DCDC1: variants seen among roughly 807,000 people sequenced by gnomAD.
The protein encoded by DCDC1 is doublecortin domain-containing protein 1.
A neutral mutation model predicts 178.3 loss-of-function variants in DCDC1; 200 were observed. The ratio of observed to expected loss-of-function variants is 1.12; its 90% CI spans 1.00 to 1.26. The LOEUF (loss-of-function observed/expected upper bound fraction) is 1.26. DCDC1 is among the 50% of genes most tolerant of loss of function. The pLI is 0.00. For missense variants in DCDC1, 1,983 were observed against 1,749.2 expected, an observed-to-expected ratio of 1.13 and a Z score of -2.38; for synonymous variants, 690 against 604.8, an observed-to-expected ratio of 1.14 and a Z score of -2.07.
intron 9 of DCDC1, among the ~76,000 whole-genome samples, chr11:31,213,017 C>T: frequency 6.6e-6 from 1 of 151,142 alleles, no homozygotes; most frequent in Non-Finnish European, 1.5e-5. Context: ...TCTCTCTGCT[C>T]CTCACTTGCT....
At chr11:30,934,978 C>CT (rs1337991595) in intron 21 of DCDC1, among the ~76,000 whole-genome samples, 1 of 152,180 alleles carries the variant, frequency 6.6e-6, no homozygotes, top group Admixed American at 6.5e-5. Context: ...AGGTTGAGTT[C>CT]TTGATTAGTT....
chr11:30,964,770 C>A (rs539659946), intron 20 of DCDC1, among the ~76,000 whole-genome samples: 1 of 152,178 alleles, frequency 6.6e-6, no homozygotes, highest in Non-Finnish European at 1.5e-5. Flanking sequence ...CCAATGTTAA[C>A]CACATCTTCA....
At chr11:30,882,295 C>T (rs1328327427) in intron 36 of DCDC1, 1 of 152,154 alleles carries the variant, frequency 6.6e-6, no homozygotes, top group Non-Finnish European at 1.5e-5. Flanking sequence ...TCAAAAAGCG[C>T]AGCTTTTCAC....
chr11:31,098,669 T>C lies in DCDC1; in HGVS notation c.1983+3508A>G, dbSNP rs796183174. ...CCCAATGAGCAGCAAGATTCTACAA[T>C]AAAATGCCCTATAGATATCCATCAC... On this transcript the variant is annotated intron_variant, in intron 15 of 38. Transcript: ENST00000684477. 2.0e-5 allele frequency among the ~76,000 whole-genome samples: 3 copies of C among 152,352 alleles called. No homozygotes were observed. The South Asian group carries it at 6.2e-4, about 32-fold the overall frequency.
At chr11:31,185,785 A>T (rs1382403679) in intron 9 of DCDC1, among the ~76,000 whole-genome samples, 3 of 152,206 alleles carry the variant, frequency 2.0e-5, no homozygotes, top group Non-Finnish European at 4.4e-5. Context: ...GCAAAAGACC[A>T]GCTGCTTTTA....
intron 31 of DCDC1, chr11:30,904,747 G>A: frequency 1.7e-6 from 1 of 595,048 alleles, no homozygotes. Context: ...TCTAAAAACT[G>A]AATTCTGGTT....
At chr11:30,915,466 C>A (rs375862507) in intron 27 of DCDC1, 45 bp downstream of exon 27, 1 of 1,601,840 alleles carries the variant, frequency 6.2e-7, no homozygotes, top group Non-Finnish European at 8.5e-7. Flanking sequence ...TTATTAGGAT[C>A]CTATTCACCT....
At chr11:31,237,057 G>T (rs1976551601) in intron 9 of DCDC1, among the ~76,000 whole-genome samples, 2 of 151,828 alleles carry the variant, frequency 1.3e-5, no homozygotes, top group African/African-American at 4.8e-5. Context: ...AATACTTTAT[G>T]CAATAAACAA....
chr11:31,331,243 C>A (rs541584461), intron 2 of DCDC1, among the ~76,000 whole-genome samples: 7 of 152,160 alleles, frequency 4.6e-5, no homozygotes, highest in Non-Finnish European at 7.3e-5. Context: ...TATCCTGAGA[C>A]TTTGCTGAAG....
intron 11 of DCDC1, among the ~76,000 whole-genome samples, chr11:31,115,989 G>GA (rs36100040): frequency 0.016 from 2,163 of 134,536 alleles, 412 homozygotes; most frequent in Non-Finnish European, 0.028. Flanking sequence ...AGTGGGGGGG[G>GA]GGGGGATGGG....
intron 20 of DCDC1, among the ~76,000 whole-genome samples, chr11:31,022,380 A>G (rs1952931299): frequency 6.6e-6 from 1 of 152,058 alleles, no homozygotes; most frequent in Non-Finnish European, 1.5e-5. Flanking sequence ...CTCTTCTTCA[A>G]AGGACACCAG....
chr11:31,203,479 C>G (rs1346609864), intron 9 of DCDC1, among the ~76,000 whole-genome samples: 3 of 152,120 alleles, frequency 2.0e-5, no homozygotes, highest in South Asian at 4.1e-4. Context: ...AACGGCTGCT[C>G]TAGATTCCTT....
chr11:31,345,901 T>C (rs963496868), intron 1 of DCDC1, among the ~76,000 whole-genome samples: 1 of 152,202 alleles, frequency 6.6e-6, no homozygotes, highest in African/African-American at 2.4e-5. Context: ...CAGATAATGT[T>C]TGTCCAGGCA....
chr11:31,355,415 C>T (rs1375344615), intron 1 of DCDC1, among the ~76,000 whole-genome samples: 1 of 152,066 alleles, frequency 6.6e-6, no homozygotes, highest in African/African-American at 2.4e-5. Context: ...ACTCAGCTAC[C>T]TACGAACCAG....
intron 9 of DCDC1, among the ~76,000 whole-genome samples, chr11:31,227,604 A>G (rs1975162964): frequency 6.6e-6 from 1 of 152,182 alleles, no homozygotes; most frequent in Non-Finnish European, 1.5e-5. Flanking sequence ...AAAATGATAA[A>G]CAAATGAGAC....
chr11:31,308,682 T>C (rs1218577465), intron 3 of DCDC1, among the ~76,000 whole-genome samples: 1 of 152,160 alleles, frequency 6.6e-6, no homozygotes, highest in Non-Finnish European at 1.5e-5. Context: ...GGGAACCACA[T>C]GACCTGGAAG....
At chr11:31,219,035 T>A (rs764171659) in intron 9 of DCDC1, among the ~76,000 whole-genome samples, 3 of 152,100 alleles carry the variant, frequency 2.0e-5, no homozygotes, top group South Asian at 4.1e-4. Flanking sequence ...AGCTTTGACC[T>A]GGAAGAACGG....
chr11:31,271,674 A>C (rs1945560506), intron 7 of DCDC1, among the ~76,000 whole-genome samples: 1 of 152,206 alleles, frequency 6.6e-6, no homozygotes, highest in Non-Finnish European at 1.5e-5. Context: ...GTATTAGTCC[A>C]TTATCATGCT....
intron 9 of DCDC1, among the ~76,000 whole-genome samples, chr11:31,147,267 T>C (rs1435096592): frequency 6.6e-6 from 1 of 152,180 alleles, no homozygotes; most frequent in Non-Finnish European, 1.5e-5. Flanking sequence ...AGAGTCCTAC[T>C]CTTAACTTTA....
Sources: allele counts gnomAD v4.1 joint callset (sites outside exome capture counted in the v4.1 genomes callset), GRCh38; gene constraint gnomAD v4.1.1; transcripts MANE v1.5; gene names NCBI Gene and HGNC (gene_info 2026-07-23, HGNC 2026-07-21).